The following ROCK1 variants were observed in gnomAD, a reference collection of about 807,000 sequenced individuals.
ROCK1 encodes Rho associated coiled-coil containing protein kinase 1.
In ROCK1, 36 loss-of-function variants were observed where a neutral mutation model predicts 196.8. The ratio of observed to expected loss-of-function variants is 0.18; its 90% CI spans 0.14 to 0.24. The LOEUF (loss-of-function observed/expected upper bound fraction) is 0.24, where lower values mean the gene tolerates loss of function less well. Ranked by LOEUF, ROCK1 falls within the 10% of genes least tolerant of loss-of-function variation. The pLI is 1.00. For synonymous variants in ROCK1, 443 were observed against 515.9 expected, an observed-to-expected ratio of 0.86 and a Z score of 1.91; for missense variants, 920 against 1,562.0, an observed-to-expected ratio of 0.59 and a Z score of 6.93.
At chr18:21,075,044 G>T (rs2036417789) in intron 1 of ROCK1, among the ~76,000 whole-genome samples, 1 of 152,184 alleles carries the variant, frequency 6.6e-6, no homozygotes, top group Admixed American at 6.5e-5. Flanking sequence ...GATGATCAGG[G>T]AGAGAATGTT....
At chr18:21,075,520 T>C (rs993650273) in intron 1 of ROCK1, among the ~76,000 whole-genome samples, 6 of 152,144 alleles carry the variant, frequency 3.9e-5, no homozygotes, top group African/African-American at 1.2e-4. Flanking sequence ...AACAGAGAGA[T>C]TGGGACTACA....
In ROCK1 at chr18:21,018,390, C is replaced by T. The variant is rs904896916; in HGVS notation, c.1361+1761G>A. ...ACTAAAAATACCAAAACTAGCCAGG[C>T]GTGGTGGCAGGAGCCTGTAATCCCA... On this transcript the variant is annotated intron_variant, in intron 12 of 32. Coordinates refer to ENST00000399799, the MANE Select transcript of ROCK1 (RefSeq NM_005406.3). 3.9e-5 allele frequency among the ~76,000 whole-genome samples: 6 copies of T among 152,004 alleles called. No individual in the cohort carries two copies. In the East Asian group the frequency reaches 9.7e-4, roughly 25 times the overall value.
intron 1 of ROCK1, among the ~76,000 whole-genome samples, chr18:21,091,863 T>C (rs2036572861): frequency 6.6e-6 from 1 of 151,616 alleles, no homozygotes; most frequent in Middle Eastern, 3.4e-3. Context: ...CCAGCTACTC[T>C]GAAGACTGAA....
chr18:20,999,672 T>C (rs937059488), intron 16 of ROCK1, among the ~76,000 whole-genome samples: 2 of 152,130 alleles, frequency 1.3e-5, no homozygotes, highest in Non-Finnish European at 2.9e-5. Flanking sequence ...TAAATGAAAA[T>C]ATATCCTTGT....
intron 9 of ROCK1, among the ~76,000 whole-genome samples, chr18:21,035,875 A>G (rs771360550): frequency 6.6e-6 from 1 of 152,238 alleles, no homozygotes; most frequent in Non-Finnish European, 1.5e-5. Flanking sequence ...TAGTAGTCTA[A>G]TTCATAGAGA....
intron 1 of ROCK1, among the ~76,000 whole-genome samples, chr18:21,087,546 A>C (rs1252341115): frequency 1.3e-5 from 2 of 152,196 alleles, no homozygotes; most frequent in Non-Finnish European, 2.9e-5. Context: ...CAGACAAGGC[A>C]GACTTCAGAG....
In ROCK1 at chr18:20,954,865, A is replaced by G. The variant is rs1371724717; in HGVS notation, c.3771T>C (p.Pro1257=). The G allele has an allele frequency of 6.2e-7, 1 of 1,613,992 alleles. No individual in the cohort carries two copies. Among genetic ancestry groups the G allele is most frequent in the South Asian group, 1.1e-5 (1 of 91,078 alleles). ...KPLWHVFKPP[P]ALECRRCHVK... is the part of the protein sequence containing the mutation. ...CATGGCATCTTCGACACTCTAGGGCAGGGGGTGGCTTAAAAACATGCCAGA... is the reference window on the plus strand; with the variant it reads ...CATGGCATCTTCGACACTCTAGGGCGGGGGGTGGCTTAAAAACATGCCAGA... The change falls in exon 31 of 33, where the codon CCT becomes CCC. Residue 1257 remains proline, a synonymous_variant. Transcript: ENST00000399799.
chr18:21,039,656 G>T, intron 8 of ROCK1, 93 bp from the exon 9 acceptor site: 1 of 830,920 alleles, frequency 1.2e-6, no homozygotes, highest in Non-Finnish European at 2.0e-6. Flanking sequence ...TTAAATCAGT[G>T]TAGGACGACA....
rs189864333 is a variant in ROCK1, at chr18:21,062,691, C to A, written c.175+7841G>T. On this transcript the variant is annotated intron_variant, in intron 2 of 32. Coordinates refer to ENST00000399799, the MANE Select transcript of ROCK1 (RefSeq NM_005406.3). ...AAATGGTAACTTACTAGTGGAGAAG[C>A]TTGCCAGACACTACCTTAAACCAAA... Among the ~76,000 whole-genome samples, 146 of 152,216 alleles carry A rather than the reference C, an allele frequency of 9.6e-4. No homozygotes were observed. In the Middle Eastern group the frequency reaches 0.014, roughly 14 times the overall value.
At chr18:21,092,659 C>G (rs1294240784) in intron 1 of ROCK1, among the ~76,000 whole-genome samples, 1 of 150,574 alleles carries the variant, frequency 6.6e-6, no homozygotes, top group Non-Finnish European at 1.5e-5. Flanking sequence ...CTTCATATAG[C>G]CTGGCATTTT....
intron 1 of ROCK1, among the ~76,000 whole-genome samples, chr18:21,107,748 G>C (rs1171206114): frequency 6.6e-6 from 1 of 152,080 alleles, no homozygotes; most frequent in Admixed American, 6.5e-5. Flanking sequence ...AGGATTTTTT[G>C]TCTCTAAAGG....
At chr18:21,079,737 C>T (rs2036466943) in intron 1 of ROCK1, among the ~76,000 whole-genome samples, 1 of 152,062 alleles carries the variant, frequency 6.6e-6, no homozygotes, top group Non-Finnish European at 1.5e-5. Flanking sequence ...AGAACTGGGT[C>T]GATTGTACAG....
rs182010951 is a variant in ROCK1, at chr18:21,088,539, T to G, written c.94-17926A>C. 3.0e-4 allele frequency among the ~76,000 whole-genome samples: 45 copies of G among 152,242 alleles called. No homozygotes were observed. In the East Asian group the frequency reaches 8.7e-3, roughly 29 times the overall value. ...AAGAAAAGAAAAAGAATAATAATTTTCAATTAATAATCTAAGTTCCTTTCT... is the reference window on the plus strand; with the variant it reads ...AAGAAAAGAAAAAGAATAATAATTTGCAATTAATAATCTAAGTTCCTTTCT... On this transcript the variant is annotated intron_variant, in intron 1 of 32. Transcript: ENST00000399799.
At chr18:21,022,872 G>T (rs572597893) in intron 11 of ROCK1, among the ~76,000 whole-genome samples, 2 of 151,970 alleles carry the variant, frequency 1.3e-5, no homozygotes, top group African/African-American at 4.8e-5. Context: ...GTGTGTGTGT[G>T]TATATATATG....
At chr18:20,957,490 T>TC (rs1386421707) in intron 29 of ROCK1, among the ~76,000 whole-genome samples, 12 of 152,162 alleles carry the variant, frequency 7.9e-5, no homozygotes, top group Non-Finnish European at 1.5e-4. Context: ...TTTTTCTTTT[T>TC]TTTTTTTTGA....
intron 27 of ROCK1, among the ~76,000 whole-genome samples, chr18:20,965,474 A>G (rs1396191739): frequency 6.6e-6 from 1 of 152,136 alleles, no homozygotes; most frequent in East Asian, 1.9e-4. Flanking sequence ...ATACATACAT[A>G]CATACATAGA....
chr18:21,035,843 T>C (rs1474480439), intron 9 of ROCK1, among the ~76,000 whole-genome samples: 2 of 152,192 alleles, frequency 1.3e-5, no homozygotes, highest in African/African-American at 4.8e-5. Flanking sequence ...TATAGTAATC[T>C]ACTTAAACGA....
chr18:20,952,604 C>G (rs2035200284), intron 32 of ROCK1, among the ~76,000 whole-genome samples: 1 of 151,606 alleles, frequency 6.6e-6, no homozygotes, highest in Non-Finnish European at 1.5e-5. Context: ...ATGATGAAAC[C>G]CTCTCTCTAC....
chr18:21,015,315 C>G, intron 13 of ROCK1, 116 bp downstream of exon 13: 1 of 729,056 alleles, frequency 1.4e-6, no homozygotes, highest in Non-Finnish European at 2.4e-6. Flanking sequence ...TCACAATTCT[C>G]TGCTCTGTTT....
Sources: allele counts gnomAD v4.1 joint callset (sites outside exome capture counted in the v4.1 genomes callset), GRCh38; gene constraint gnomAD v4.1.1; transcripts MANE v1.5; gene names NCBI Gene and HGNC (gene_info 2026-07-23, HGNC 2026-07-21).